EXOSC10: variants seen among roughly 807,000 people sequenced by gnomAD.
EXOSC10 encodes exosome component 10, also known as exosome complex component 10.
A neutral mutation model predicts 126.6 loss-of-function variants in EXOSC10; 94 were observed. The ratio of observed to expected loss-of-function variants is 0.74; its 90% CI spans 0.63 to 0.88. EXOSC10 has a LOEUF of 0.88. EXOSC10 is among the 40% of genes least tolerant of loss of function. EXOSC10 has a pLI of 0.00. For missense variants in EXOSC10, 1,041 were observed against 1,100.5 expected (o/e 0.95, Z 0.77); for synonymous variants, 395 against 400.8 (o/e 0.99, Z 0.17).
rs540172001 is a variant in EXOSC10, at chr1:11,086,102, C to A, written c.1089+1346G>T. 9.1e-3 allele frequency among the ~76,000 whole-genome samples: 1,377 copies of A among 150,780 alleles called. 32 individuals carry two copies. The highest frequency in any genetic ancestry group is 0.032 in the African/African-American group (1,313 of 40,944). The stretch of plus-strand genomic sequence containing the variant: ...ATTCTCTTTTTTGGTTGTGTCTCTG[C>A]CCGGCTTTGGTATCAGGATGATGCT... On this transcript the variant is annotated intron_variant, in intron 9 of 24. Transcript: ENST00000376936.
At position 11,093,864 on chromosome 1, in the gene EXOSC10, G is replaced by C. The variant is rs1043834006; in HGVS notation, c.372+1894C>G. ...GGGGGGATTGTTTGAGGCCAGGATT[G>C]TTTGAGGAGTTCAAGACCAGCCTGG... On this transcript the variant is annotated intron_variant, in intron 3 of 24. Transcript: ENST00000376936. Among the ~76,000 whole-genome samples, 12 of 152,132 alleles carry C rather than the reference G, an allele frequency of 7.9e-5. No individual in the cohort carries two copies. The East Asian group carries it at 2.1e-3, about 27-fold the overall frequency.
intron 9 of EXOSC10, among the ~76,000 whole-genome samples, chr1:11,084,804 T>G (rs1640398387): frequency 6.6e-6 from 1 of 152,206 alleles, no homozygotes; most frequent in African/African-American, 2.4e-5. Context: ...GATTTTTGTA[T>G]AAGGTGTAAG....
chr1:11,096,611 T>C (rs2095973), intron 2 of EXOSC10, among the ~76,000 whole-genome samples: 10,836 of 150,946 alleles, frequency 0.072, 605 homozygotes, highest in East Asian at 0.15. Context: ...CAAGTAGCTG[T>C]GACTTGGGAG....
At chr1:11,066,805 A>C in intron 24 of EXOSC10, 57 bp from the exon 25 acceptor site, 1 of 1,591,358 alleles carries the variant, frequency 6.3e-7, no homozygotes, top group Middle Eastern at 1.7e-4. Context: ...ATGTTCTCAG[A>C]TGGTTTACAA....
At chr1:11,069,857 A>C (rs1639355899) in intron 21 of EXOSC10, 127 bp from the exon 22 acceptor site, 1 of 992,416 alleles carries the variant, frequency 1.0e-6, no homozygotes, top group South Asian at 1.6e-5. Flanking sequence ...TGGTGGGGAG[A>C]GGAGCTGTGG....
At chr1:11,084,648 T>G (rs12123652) in intron 9 of EXOSC10, among the ~76,000 whole-genome samples, 9,769 of 152,294 alleles carry the variant, frequency 0.064, 459 homozygotes, top group East Asian at 0.15. Context: ...ATTGGTCAAT[T>G]CTGGCTTTTG....
At position 11,087,459 on chromosome 1, in the gene EXOSC10, C is replaced by G; in HGVS notation, c.1078G>C (p.Ala360Pro). Reference protein sequence around the residue: ...YILNESLTDPAIVKVFHGADS... With the variant: ...YILNESLTDPPIVKVFHGADS... ...AAAGGCTGGCTGACCTTAACGATGG[C>G]TGGGTCTGTGAGGCTCTCATTGAGA... The change falls in exon 9 of 25, where the codon GCC (alanine) becomes CCC (proline). Residue 360 changes from alanine (A) to proline (P), a missense_variant. Around this residue, in one of 3 missense-constraint regions of EXOSC10, gnomAD observed 645 missense variants for 656.3 expected, o/e 0.98. Transcript: ENST00000376936. The G allele has an allele frequency of 6.2e-7, 1 of 1,614,032 alleles. No individual in the cohort carries two copies. The highest frequency in any genetic ancestry group is 8.5e-7 in the Non-Finnish European group (1 of 1,179,996).
At chr1:11,079,962 G>A (rs1209023760) in intron 13 of EXOSC10, 140 bp from the exon 14 acceptor site, 3 of 693,224 alleles carry the variant, frequency 4.3e-6, no homozygotes, top group East Asian at 5.5e-5. Flanking sequence ...AAACACTGAT[G>A]TCAGGCCAGC....
At chr1:11,083,621 A>AT (rs200131102) in intron 9 of EXOSC10, among the ~76,000 whole-genome samples, 3 of 150,020 alleles carry the variant, frequency 2.0e-5, no homozygotes, top group Admixed American at 1.3e-4. Flanking sequence ...AGTTAAAAAA[A>AT]TTTTTTTTTA....
chr1:11,077,456 A>G lies in EXOSC10; in HGVS notation c.1801-13T>C. ...CATTCTCCAATCTCTGCATTAAAAG[A>G]CACCAGCAGGCTGGCATGTAAAACG... On this transcript the variant is annotated splice_polypyrimidine_tract_variant and intron_variant, in intron 15 of 24. Transcript: ENST00000376936. 6.2e-7 allele frequency: 1 copy of G among 1,612,190 alleles called. No individual in the cohort carries two copies. Among genetic ancestry groups the G allele is most frequent in the Admixed American group, 1.7e-5 (1 of 60,012 alleles).
At position 11,069,614 on chromosome 1, in the gene EXOSC10, T is replaced by G; in HGVS notation, c.2433A>C (p.Pro811=). 6.2e-7 allele frequency: 1 copy of G among 1,614,230 alleles called. No homozygotes were observed. Among genetic ancestry groups the G allele is most frequent in the Non-Finnish European group, 8.5e-7 (1 of 1,180,042 alleles). ...ISKKPKDPEP[P]EKEFTPYDYS... ...AGTCGTAAGGCGTAAACTCTTTTTCTGGTGGCTCTGGGTCCTTTGGCTTCT... is the reference window on the plus strand; with the variant it reads ...AGTCGTAAGGCGTAAACTCTTTTTCGGGTGGCTCTGGGTCCTTTGGCTTCT... The change falls in exon 22 of 25, where the codon CCA becomes CCC. Residue 811 remains proline, a synonymous_variant. Transcript: ENST00000376936.
At chr1:11,071,339 C>T in intron 20 of EXOSC10, 1 of 264,202 alleles carries the variant, frequency 3.8e-6, no homozygotes, top group East Asian at 7.8e-5. Context: ...TTTCCAGCTG[C>T]TCAGGACAAA....
intron 14 of EXOSC10, among the ~76,000 whole-genome samples, chr1:11,078,617 C>G (rs1639963307): frequency 6.6e-6 from 1 of 152,188 alleles, no homozygotes; most frequent in Non-Finnish European, 1.5e-5. Context: ...CTGCCATTGT[C>G]AGCATTTGCT....
chr1:11,069,227 C>G (rs975044598), intron 22 of EXOSC10, among the ~76,000 whole-genome samples: 20 of 135,422 alleles, frequency 1.5e-4, no homozygotes, highest in South Asian at 1.3e-3. Flanking sequence ...AAACAAAATT[C>G]TGTGTGTGTG....
Position 11,077,617 on chromosome 1 carries a change from G to A in EXOSC10, c.1784C>T (p.Pro595Leu), listed in dbSNP as rs763242429. 4 of 1,613,274 alleles carry A rather than the reference G, an allele frequency of 2.5e-6. No individual in the cohort carries two copies. Among genetic ancestry groups the A allele is most frequent in the African/African-American group, 1.3e-5 (1 of 75,008 alleles). Residue 595 changes from proline to leucine, a missense_variant, in exon 15 of 25, where the codon CCG (proline) becomes CTG (leucine). Around this residue, in one of 3 missense-constraint regions of EXOSC10, gnomAD observed 388 missense variants for 415.2 expected, o/e 0.93. Coordinates refer to ENST00000376936, the MANE Select transcript of EXOSC10 (RefSeq NM_001001998.3). Reference sequence around the variant, plus strand: ...ACACTCTACCTCAGCACTGGGCAGCGGTCCGCTCTTCTTCACTCCGGCTGC... The same window carrying A: ...ACACTCTACCTCAGCACTGGGCAGCAGTCCGCTCTTCTTCACTCCGGCTGC... ...EVAAGVKKSG[P>L]LPSAERLENV... is the part of the protein sequence containing the mutation.
chr1:11,081,354 T>C (rs1381990927), intron 10 of EXOSC10, 116 bp from the exon 11 acceptor site: 3 of 1,087,738 alleles, frequency 2.8e-6, no homozygotes, highest in Admixed American at 2.3e-5. Context: ...GATCCTTTCA[T>C]AGTCAATACT....
chr1:11,091,213 A>G (rs1478268251), intron 4 of EXOSC10, 34 bp from the exon 5 acceptor site: 2 of 1,572,174 alleles, frequency 1.3e-6, no homozygotes, highest in Non-Finnish European at 1.7e-6. Context: ...TTTATAACAC[A>G]GCAACTTGAT....
chr1:11,082,823 T>A lies in EXOSC10; in HGVS notation c.1145A>T (p.Tyr382Phe). ...IEWLQKDFGLYVVNMFDTHQA... is the reference protein window; with the variant it reads ...IEWLQKDFGLFVVNMFDTHQA... ...ATGAGTATCAAACATGTTTACTACA[T>A]ACAACCCAAAGTCTTTCTGTAGCCA... Residue 382 changes from tyrosine (Y) to phenylalanine (F), a missense_variant, in exon 10 of 25, where the codon TAT becomes TTT. Physicochemically the swap from Tyr to Phe is conservative, Grantham distance 22. Around this residue, in one of 3 missense-constraint regions of EXOSC10, gnomAD observed 645 missense variants for 656.3 expected, o/e 0.98. Coordinates refer to ENST00000376936, the MANE Select transcript of EXOSC10 (RefSeq NM_001001998.3). 1 of 1,614,166 alleles carries A rather than the reference T, an allele frequency of 6.2e-7. No individual in the cohort carries two copies.
At chr1:11,094,365 G>C (rs1640955149) in intron 3 of EXOSC10, among the ~76,000 whole-genome samples, 1 of 151,484 alleles carries the variant, frequency 6.6e-6, no homozygotes, top group African/African-American at 2.4e-5. Flanking sequence ...TGCAATCTTG[G>C]CTCACTGCAA....
Sources: allele counts gnomAD v4.1 joint callset (sites outside exome capture counted in the v4.1 genomes callset), GRCh38; gene constraint gnomAD v4.1.1; regional missense constraint gnomAD v4.1.1; transcripts MANE v1.5; gene names NCBI Gene and HGNC (gene_info 2026-07-23, HGNC 2026-07-21).